ZFP41: variants seen among roughly 807,000 people sequenced by gnomAD.
ZFP41 encodes zinc finger protein 41 homolog.
Under a neutral mutation model 11.6 loss-of-function variants are expected in ZFP41, and 10 were observed. The ratio of observed to expected loss-of-function variants is 0.86; its 90% CI spans 0.53 to 1.47. The LOEUF is 1.47. Among genes scored for constraint, ZFP41 ranks in the 40% most tolerant of loss-of-function variants. ZFP41 has a pLI of 0.00. For missense variants in ZFP41, 302 were observed against 264.6 expected, an observed-to-expected ratio of 1.14 and a Z score of -0.98; for synonymous variants, 123 against 100.9, an observed-to-expected ratio of 1.22 and a Z score of -1.31.
In ZFP41 at chr8:143,250,165, G is replaced by A. The variant is rs1334688822; in HGVS notation, c.322G>A (p.Val108Ile). Residue 108 changes from valine to isoleucine, a missense_variant, in exon 2 of 3, where the codon GTC becomes ATC. Transcript: ENST00000330701. ...GACAGACCACATTCGCCATCAGAGGGTCCACACTGGAGAGAAGCCCTTCAA... is the reference window on the plus strand; with the variant it reads ...GACAGACCACATTCGCCATCAGAGGATCCACACTGGAGAGAAGCCCTTCAA... ...HKTDHIRHQRVHTGEKPFKCA... is the reference protein window; with the variant it reads ...HKTDHIRHQRIHTGEKPFKCA... 1 of 1,614,148 alleles carries A rather than the reference G, an allele frequency of 6.2e-7. No homozygotes were observed. Among genetic ancestry groups the A allele is most frequent in the South Asian group, 1.1e-5 (1 of 91,088 alleles).
At chr8:143,259,460 G>C (rs1397995387) in intron 2 of ZFP41, among the ~76,000 whole-genome samples, 1 of 152,212 alleles carries the variant, frequency 6.6e-6, no homozygotes, top group Non-Finnish European at 1.5e-5. Flanking sequence ...AAAGGATCAT[G>C]TCATGTACAC....
At chr8:143,259,484 C>T (rs962198091) in intron 2 of ZFP41, among the ~76,000 whole-genome samples, 7 of 152,196 alleles carry the variant, frequency 4.6e-5, no homozygotes, top group South Asian at 2.1e-4. Flanking sequence ...GCTTACACAT[C>T]TGACACCCTC....
In ZFP41 at chr8:143,247,151, T is replaced by G. The variant is rs1009297270; in HGVS notation, c.-155+9T>G. 2.0e-5 allele frequency: 3 copies of G among 152,638 alleles called. No individual in the cohort carries two copies. Among genetic ancestry groups the G allele is most frequent in the Non-Finnish European group, 4.4e-5 (3 of 68,500 alleles). The allele number at this position is 152,638 out of a possible 1,614,324, so 9.5% of individuals were successfully genotyped here. ...CTCTCGTCTCCAGCCAGGTACTCAC[T>G]GGGCTCCTGCCTGCCGCCTCCGGCC... On this transcript the variant is annotated intron_variant, in intron 1 of 2. Coordinates refer to ENST00000330701, the MANE Select transcript of ZFP41 (RefSeq NM_173832.6).
chr8:143,250,377 A>G lies in ZFP41; in HGVS notation c.534A>G (p.Lys178=). 2 of 1,614,006 alleles carry G rather than the reference A, an allele frequency of 1.2e-6. No homozygotes were observed. The highest frequency in any genetic ancestry group is 1.7e-6 in the Non-Finnish European group (2 of 1,180,026). The change falls in exon 2 of 3, where the codon AAA becomes AAG. Residue 178 remains lysine (K), a synonymous_variant. Coordinates refer to ENST00000330701, the MANE Select transcript of ZFP41 (RefSeq NM_173832.6). ...CCTACGAATGCACGCACTGTGGGAA[A>G]GCCTTTGCCTACAGCTCCTGTCTCA... is the stretch of plus-strand genomic sequence containing the variant. ...EKPYECTHCG[K]AFAYSSCLIR...
Position 143,249,927 on chromosome 8 carries a change from G to C in ZFP41, c.84G>C (p.Glu28Asp). The C allele has an allele frequency of 6.2e-7, 1 of 1,613,912 alleles. No individual in the cohort carries two copies. The highest frequency in any genetic ancestry group is 8.5e-7 in the Non-Finnish European group (1 of 1,179,934). The change falls in exon 2 of 3, where the codon GAG becomes GAC. Residue 28 changes from glutamate (E) to aspartate (D), a missense_variant. By Grantham distance (45) the Glu-to-Asp change is conservative (BLOSUM62 2). Transcript: ENST00000330701. The part of the protein sequence containing the change: ...ADVQKSALRE[E>D]KVSGDRKPPE... ...TGCAGAAGAGTGCGCTCAGAGAGGAGAAGGTGTCCGGGGACAGAAAGCCAC... is the reference window on the plus strand; with the variant it reads ...TGCAGAAGAGTGCGCTCAGAGAGGACAAGGTGTCCGGGGACAGAAAGCCAC...
At chr8:143,249,551 G>C (rs1429631730) in intron 1 of ZFP41, 139 bp from the exon 2 acceptor site, 4 of 301,572 alleles carry the variant, frequency 1.3e-5, no homozygotes, top group Non-Finnish European at 2.5e-5. Context: ...AGAGAGTCAG[G>C]TGGGGCTCCG....
intron 2 of ZFP41, among the ~76,000 whole-genome samples, chr8:143,259,112 G>A (rs1563730074): frequency 6.6e-6 from 1 of 152,358 alleles, no homozygotes; most frequent in East Asian, 1.9e-4. Context: ...TGTCGGTAGC[G>A]AAGCGGGTAA....
chr8:143,260,693 C>G lies in ZFP41; in HGVS notation c.*1819C>G, dbSNP rs375260547. Reference sequence around the variant, plus strand: ...CGGGCACCACCCTCCCAGCCTCACGCGGCCACCCTGACCAGCAGGCACCAT... The same window carrying G: ...CGGGCACCACCCTCCCAGCCTCACGGGGCCACCCTGACCAGCAGGCACCAT... On this transcript the variant is annotated 3_prime_UTR_variant, in exon 3 of 3. Coordinates refer to ENST00000330701, the MANE Select transcript of ZFP41 (RefSeq NM_173832.6). 7.4e-4 allele frequency: 142 copies of G among 190,702 alleles called. 4 individuals carry two copies. In the South Asian group the frequency reaches 9.1e-3, roughly 12 times the overall value. The allele number at this position is 190,702 out of a possible 1,614,324, so 11.8% of individuals were successfully genotyped here.
chr8:143,256,449 A>G (rs111377974), intron 2 of ZFP41, among the ~76,000 whole-genome samples: 2,195 of 149,104 alleles, frequency 0.015, 29 homozygotes, highest in African/African-American at 0.036. Context: ...CTCGCCCCAC[A>G]TGCTGGTGTT....
chr8:143,255,443 T>C, intron 2 of ZFP41, among the ~76,000 whole-genome samples: 1 of 117,016 alleles, frequency 8.5e-6, no homozygotes, highest in African/African-American at 3.3e-5. Context: ...GCTGGTGTTC[T>C]TGAGATCAGG....
chr8:143,260,380 G>C lies in ZFP41; in HGVS notation c.*1506G>C, dbSNP rs1471177053. The C allele has an allele frequency of 6.4e-6, 1 of 155,238 alleles. No homozygotes were observed. The allele number at this position is 155,238 out of a possible 1,614,324, so 9.6% of individuals were successfully genotyped here. On this transcript the variant is annotated 3_prime_UTR_variant, in exon 3 of 3. Coordinates refer to ENST00000330701, the MANE Select transcript of ZFP41 (RefSeq NM_173832.6). ...ATCCTAGTGGGGCAGTGGGCGCGGG[G>C]CGGGGGCTCCTGACTCCGGTGAGGT...
intron 2 of ZFP41, among the ~76,000 whole-genome samples, chr8:143,257,072 C>G (rs991951663): frequency 2.0e-5 from 3 of 152,248 alleles, no homozygotes; most frequent in Non-Finnish European, 2.9e-5. Context: ...AACAGAGCAC[C>G]TGATGGCAGT....
At position 143,250,167 on chromosome 8, in the gene ZFP41, C is replaced by T; in HGVS notation, c.324C>T (p.Val108=). The change falls in exon 2 of 3, where the codon GTC becomes GTT. Residue 108 remains valine (V), a synonymous_variant. Coordinates refer to ENST00000330701, the MANE Select transcript of ZFP41 (RefSeq NM_173832.6). ...HKTDHIRHQR[V]HTGEKPFKCA... is the part of the protein sequence containing the mutation. Reference sequence around the variant, plus strand: ...CAGACCACATTCGCCATCAGAGGGTCCACACTGGAGAGAAGCCCTTCAAGT... The same window carrying T: ...CAGACCACATTCGCCATCAGAGGGTTCACACTGGAGAGAAGCCCTTCAAGT... The T allele has an allele frequency of 6.2e-7, 1 of 1,614,154 alleles. No homozygotes were observed.
chr8:143,257,429 G>C (rs529975450), intron 2 of ZFP41, among the ~76,000 whole-genome samples: 2 of 152,126 alleles, frequency 1.3e-5, no homozygotes, highest in African/African-American at 2.4e-5. Context: ...CCCAGGAGGC[G>C]GAGGTTGCAG....
intron 1 of ZFP41, 193 bp from the exon 2 acceptor site, chr8:143,249,497 T>A: frequency 4.9e-6 from 1 of 205,728 alleles, no homozygotes; most frequent in Admixed American, 5.2e-5. Flanking sequence ...CAAGGATTCC[T>A]TGGTGAGCAA....
intron 2 of ZFP41, among the ~76,000 whole-genome samples, chr8:143,257,697 C>G (rs547733436): frequency 3.9e-5 from 6 of 152,336 alleles, no homozygotes; most frequent in African/African-American, 1.4e-4. Flanking sequence ...TCAGCCACAT[C>G]CGATGCTGAA....
rs539073433 is a variant in ZFP41 at position 143,248,849 on chromosome 8, AC to A, written c.-154-840del. 1.3e-3 allele frequency among the ~76,000 whole-genome samples: 192 copies of A among 152,358 alleles called. 1 individual carries two copies. Among genetic ancestry groups the A allele is most frequent in the South Asian group, 9.5e-3 (46 of 4,832 alleles). On this transcript the variant is annotated intron_variant, in intron 1 of 2. Coordinates refer to ENST00000330701, the MANE Select transcript of ZFP41 (RefSeq NM_173832.6). ...AGTGATGTTGGCCTGAAACTGAGTC[AC>A]ATTCATCTAAACATTTTCCTGTAGA...
Position 143,261,663 on chromosome 8 carries a change from C to G in ZFP41, c.*2789C>G, listed in dbSNP as rs1360527794. ...ACTTCACAGCCGAGACCGGGCCTAA[C>G]GCTGCTGTCTCGCAGTCACCCCTGC... On this transcript the variant is annotated 3_prime_UTR_variant, in exon 3 of 3. Transcript: ENST00000330701. 6.3e-6 allele frequency: 1 copy of G among 158,184 alleles called. No individual in the cohort carries two copies. Among genetic ancestry groups the G allele is most frequent in the Non-Finnish European group, 1.4e-5 (1 of 72,134 alleles). 9.8% of individuals were successfully genotyped at this position (158,184 alleles called of 1,614,324 possible). A position where few individuals can be genotyped will look rare whatever the true frequency, so the allele number is the denominator to read the frequency against.
rs1353953600 is a variant in ZFP41 at position 143,249,699 on chromosome 8, G to A, written c.-145G>A. 1.1e-5 allele frequency: 14 copies of A among 1,319,094 alleles called. No individual in the cohort carries two copies. Among genetic ancestry groups the A allele is most frequent in the Non-Finnish European group, 1.4e-5 (14 of 994,138 alleles). 81.7% of individuals were successfully genotyped at this position (1,319,094 alleles called of 1,614,324 possible). A position where few individuals can be genotyped will look rare whatever the true frequency, so the allele number is the denominator to read the frequency against. ...TCTTGCTTCTCCCCAGCACCAAGAGGATGGTGGCCCTTGGCCTCCTGGTGC... is the reference window on the plus strand; with the variant it reads ...TCTTGCTTCTCCCCAGCACCAAGAGAATGGTGGCCCTTGGCCTCCTGGTGC... On this transcript the variant is annotated 5_prime_UTR_variant, in exon 2 of 3. Coordinates refer to ENST00000330701, the MANE Select transcript of ZFP41 (RefSeq NM_173832.6).
Sources: gnomAD v4.1 joint callset for allele counts (sites outside exome capture counted in the v4.1 genomes callset) on GRCh38, gnomAD v4.1.1 for gene constraint, MANE v1.5 for transcripts, NCBI Gene and HGNC (gene_info 2026-07-23, HGNC 2026-07-21) for gene names.